PRKCA: variants seen among roughly 807,000 people sequenced by gnomAD.
PRKCA encodes the protein protein kinase C alpha.
A neutral mutation model predicts 87.0 loss-of-function variants in PRKCA; 27 were observed. The observed-to-expected ratio is 0.31, with a 90% CI of 0.23 to 0.43. The LOEUF is 0.43. Ranked by LOEUF, PRKCA falls within the 20% of genes least tolerant of loss-of-function variation. The pLI is 1.00. For missense variants in PRKCA, 518 were observed against 852.3 expected (o/e 0.61, Z 4.88); for synonymous variants, 329 against 311.1 (o/e 1.06, Z -0.61).
At chr17:66,534,152 G>A (rs62071701) in intron 3 of PRKCA, among the ~76,000 whole-genome samples, 24 of 147,532 alleles carry the variant, frequency 1.6e-4, no homozygotes, top group Admixed American at 4.9e-4. Flanking sequence ...AGCTGACCAC[G>A]ATTCTTTGTT....
intron 2 of PRKCA, among the ~76,000 whole-genome samples, chr17:66,355,268 C>T (rs1907982695): frequency 6.6e-6 from 1 of 152,168 alleles, no homozygotes; most frequent in South Asian, 2.1e-4. Context: ...CTTTTAATCC[C>T]TGCTGTATGT....
chr17:66,419,101 G>C (rs1567819245), intron 2 of PRKCA, among the ~76,000 whole-genome samples: 1 of 152,000 alleles, frequency 6.6e-6, no homozygotes, highest in Non-Finnish European at 1.5e-5. Flanking sequence ...TTGATCAGTT[G>C]GATCCTCCAT....
Position 66,753,122 on chromosome 17 carries a change from T to C in PRKCA, c.1524+10362T>C, listed in dbSNP as rs570865110. On this transcript the variant is annotated intron_variant, in intron 13 of 16. Coordinates refer to ENST00000413366, the MANE Select transcript of PRKCA (RefSeq NM_002737.3). The stretch of plus-strand genomic sequence containing the variant: ...CTTAGCTCACAGGCTGTACAAAAAC[T>C]GGATTTGGCCTACAGGCTATGGTTT... 1.2e-4 allele frequency among the ~76,000 whole-genome samples: 18 copies of C among 152,348 alleles called. 1 individual carries two copies. Among genetic ancestry groups the C allele is most frequent in the African/African-American group, 4.1e-4 (17 of 41,584 alleles).
intron 2 of PRKCA, among the ~76,000 whole-genome samples, chr17:66,355,445 G>A (rs1463030540): frequency 4.6e-5 from 7 of 152,182 alleles, no homozygotes; most frequent in African/African-American, 7.2e-5. Context: ...TTTGCTTCCT[G>A]GGTCTTGAAT....
rs1975574936 is a variant in PRKCA, at chr17:66,792,889, C to A, written c.1854+3910C>A. ...TGGAGGCTGAGATGTGAGGGAAGAA[C>A]CTGCCCCTGTGGCAGTCAACAGTGG... On this transcript the variant is annotated intron_variant, in intron 16 of 16. Coordinates refer to ENST00000413366, the MANE Select transcript of PRKCA (RefSeq NM_002737.3). This position sits in a 1 kb window ranked among gnomAD's most constrained non-coding sequence, Gnocchi z 4.5. 6.6e-6 allele frequency among the ~76,000 whole-genome samples: 1 copy of A among 152,182 alleles called. No individual in the cohort carries two copies. The highest frequency in any genetic ancestry group is 1.5e-5 in the Non-Finnish European group (1 of 68,028).
At chr17:66,357,141 C>T (rs1908109680) in intron 2 of PRKCA, among the ~76,000 whole-genome samples, 1 of 152,188 alleles carries the variant, frequency 6.6e-6, no homozygotes, top group South Asian at 2.1e-4. Flanking sequence ...AATGAGGGTC[C>T]CAGGCTAACA....
intron 3 of PRKCA, among the ~76,000 whole-genome samples, chr17:66,531,958 A>G (rs1303278211): frequency 6.6e-6 from 1 of 152,122 alleles, no homozygotes; most frequent in African/African-American, 2.4e-5. Context: ...TTCGGCTTCT[A>G]GGCTGAGGAG....
At chr17:66,583,315 G>A (rs986031426) in intron 3 of PRKCA, among the ~76,000 whole-genome samples, 12 of 151,998 alleles carry the variant, frequency 7.9e-5, no homozygotes, top group Admixed American at 1.3e-4. Flanking sequence ...TCTCATTGTC[G>A]TCTTTTTAAT....
At chr17:66,646,965 A>C (rs541799007) in intron 5 of PRKCA, among the ~76,000 whole-genome samples, 1 of 152,258 alleles carries the variant, frequency 6.6e-6, no homozygotes, top group African/African-American at 2.4e-5. Flanking sequence ...GACCATCCCT[A>C]TTGTGCCATT....
intron 3 of PRKCA, among the ~76,000 whole-genome samples, chr17:66,497,810 C>T (rs542914824): frequency 1.3e-5 from 2 of 152,152 alleles, no homozygotes; most frequent in Non-Finnish European, 2.9e-5. Context: ...GACATTTTTG[C>T]AGTGTGCTCT....
At chr17:66,656,911 T>C (rs1260090226) in intron 5 of PRKCA, among the ~76,000 whole-genome samples, 5 of 152,218 alleles carry the variant, frequency 3.3e-5, no homozygotes, top group Admixed American at 3.3e-4. Context: ...CAAGCTGCTC[T>C]GATATCTTAG....
intron 2 of PRKCA, among the ~76,000 whole-genome samples, chr17:66,335,780 G>A (rs554180275): frequency 7.2e-5 from 11 of 151,986 alleles, no homozygotes; most frequent in African/African-American, 2.4e-4. Flanking sequence ...TCACTAATGC[G>A]AGGAATACTA....
chr17:66,794,387 T>C (rs1487296088), intron 16 of PRKCA, among the ~76,000 whole-genome samples: 1 of 152,028 alleles, frequency 6.6e-6, no homozygotes, highest in Non-Finnish European at 1.5e-5. Context: ...GTCCTTCATT[T>C]CCCAGTGCCA....
chr17:66,654,420 A>AT (rs1555631731), intron 5 of PRKCA, among the ~76,000 whole-genome samples: 60,323 of 151,786 alleles, frequency 0.4, 12,355 homozygotes, highest in East Asian at 0.5. Context: ...TATCATCATC[A>AT]CCAGCAGCAG....
At chr17:66,547,017 C>T (rs374933055) in intron 3 of PRKCA, among the ~76,000 whole-genome samples, 45 of 152,320 alleles carry the variant, frequency 3.0e-4, no homozygotes, top group Non-Finnish European at 5.6e-4. Context: ...TGTATTCCTA[C>T]TACTACTGAC....
intron 2 of PRKCA, among the ~76,000 whole-genome samples, chr17:66,357,185 C>T (rs1333238121): frequency 6.6e-6 from 1 of 152,120 alleles, no homozygotes; most frequent in Non-Finnish European, 1.5e-5. Context: ...CTCCTGAGTG[C>T]CAGCTCTGAG....
At chr17:66,407,271 G>A (rs1185534779) in intron 2 of PRKCA, among the ~76,000 whole-genome samples, 2 of 152,006 alleles carry the variant, frequency 1.3e-5, no homozygotes, top group Admixed American at 6.6e-5. Context: ...ATCAGATCAT[G>A]GGGGCGGATC....
At chr17:66,365,681 C>T (rs1225366693) in intron 2 of PRKCA, among the ~76,000 whole-genome samples, 1 of 152,126 alleles carries the variant, frequency 6.6e-6, no homozygotes, top group Non-Finnish European at 1.5e-5. Flanking sequence ...AGATAATTCT[C>T]CTTGACAGAA....
At chr17:66,602,802 C>T (rs138373766) in intron 3 of PRKCA, among the ~76,000 whole-genome samples, 8 of 152,268 alleles carry the variant, frequency 5.3e-5, no homozygotes, top group Non-Finnish European at 1.2e-4. Flanking sequence ...TGAGAACCTC[C>T]AACCTGGCCT....
Sources: allele counts gnomAD v4.1 joint callset (sites outside exome capture counted in the v4.1 genomes callset), GRCh38; gene constraint gnomAD v4.1.1; non-coding constraint Gnocchi (gnomAD v3.1); transcripts MANE v1.5; gene names NCBI Gene and HGNC (gene_info 2026-07-23, HGNC 2026-07-21).